Variants in RYR2 observed in about 807,000 individuals in gnomAD.
RYR2 encodes cardiac muscle ryanodine receptor-calcium release channel.
Under a neutral mutation model 601.1 loss-of-function variants are expected in RYR2, and 227 were observed. The observed-to-expected ratio is 0.38, with a 90% CI of 0.34 to 0.42. The LOEUF (loss-of-function observed/expected upper bound fraction) is 0.42, where lower values mean the gene tolerates loss of function less well. RYR2 is among the 10% of genes least tolerant of loss of function. The pLI is 1.00. For missense variants in RYR2, 4,646 were observed against 6,156.5 expected, an observed-to-expected ratio of 0.75 and a Z score of 8.21; for synonymous variants, 2,223 against 2,175.1, an observed-to-expected ratio of 1.02 and a Z score of -0.61.
At chr1:237,286,873 AAT>A (rs1691632793) in intron 2 of RYR2, among the ~76,000 whole-genome samples, 1 of 145,406 alleles carries the variant, frequency 6.9e-6, no homozygotes, top group African/African-American at 2.7e-5. Context: ...TCATTTTTTA[AAT>A]ATGTTTTTGC....
chr1:237,146,665 C>T (rs571908804), intron 1 of RYR2, among the ~76,000 whole-genome samples: 1 of 152,270 alleles, frequency 6.6e-6, no homozygotes, highest in South Asian at 2.1e-4. Flanking sequence ...TTGCTCCTAG[C>T]TCCACTGAGA....
intron 1 of RYR2, among the ~76,000 whole-genome samples, chr1:237,191,271 A>G (rs976547999): frequency 2.0e-5 from 3 of 152,148 alleles, no homozygotes; most frequent in African/African-American, 4.8e-5. Flanking sequence ...ATCGGCCTAT[A>G]TAAGTTTCTG....
intron 4 of RYR2, among the ~76,000 whole-genome samples, chr1:237,357,951 A>C (rs1699443349): frequency 6.6e-6 from 1 of 152,186 alleles, no homozygotes; most frequent in Non-Finnish European, 1.5e-5. Flanking sequence ...ATGTTGCAGC[A>C]AATTTTAGAT....
At chr1:237,769,611 T>C (rs1413110953) in intron 84 of RYR2, among the ~76,000 whole-genome samples, 3 of 152,206 alleles carry the variant, frequency 2.0e-5, no homozygotes, top group Non-Finnish European at 4.4e-5. Context: ...AGTCACAGAC[T>C]GCGGACTGGT....
chr1:237,620,854 G>A (rs1678997486), intron 38 of RYR2, among the ~76,000 whole-genome samples: 1 of 152,200 alleles, frequency 6.6e-6, no homozygotes, highest in South Asian at 2.1e-4. Flanking sequence ...TCTCTCAGTT[G>A]ATAGAACAGC....
chr1:237,744,468 C>T (rs527874927), intron 80 of RYR2, among the ~76,000 whole-genome samples: 2 of 151,802 alleles, frequency 1.3e-5, no homozygotes, highest in Non-Finnish European at 2.9e-5. Context: ...CCAGCCTGGC[C>T]AATGTGGTGA....
chr1:237,580,259 G>A (rs1188986594), intron 29 of RYR2, among the ~76,000 whole-genome samples: 2 of 149,842 alleles, frequency 1.3e-5, no homozygotes, highest in Non-Finnish European at 2.9e-5. Context: ...AGGTTCAAGG[G>A]ATTCTCCTGC....
intron 100 of RYR2, among the ~76,000 whole-genome samples, chr1:237,814,020 A>G (rs1661520567): frequency 6.6e-6 from 1 of 152,196 alleles, no homozygotes; most frequent in Non-Finnish European, 1.5e-5. Flanking sequence ...ACACACGCTC[A>G]TATCCCAGTA....
chr1:237,269,042 C>CTTTTTTTTT (rs200563683), intron 1 of RYR2, among the ~76,000 whole-genome samples: 4 of 113,198 alleles, frequency 3.5e-5, no homozygotes, highest in African/African-American at 1.1e-4. Context: ...ATAGCATATT[C>CTTTTTTTTT]TTTTTTTTTT....
At chr1:237,800,801 G>GTATT (rs1435223172) in intron 97 of RYR2, among the ~76,000 whole-genome samples, 2 of 152,148 alleles carry the variant, frequency 1.3e-5, no homozygotes, top group African/African-American at 4.8e-5. Flanking sequence ...ATTTACTTTA[G>GTATT]TATTTATCCA....
At chr1:237,162,402 T>C (rs1256457399) in intron 1 of RYR2, among the ~76,000 whole-genome samples, 1 of 152,006 alleles carries the variant, frequency 6.6e-6, no homozygotes, top group Non-Finnish European at 1.5e-5. Flanking sequence ...TAGTCTCTAA[T>C]CTCAAGGAGC....
Position 237,450,233 on chromosome 1 carries a change from C to T in RYR2, c.1293-4158C>T, listed in dbSNP as rs192472554. 1.3e-4 allele frequency among the ~76,000 whole-genome samples: 20 copies of T among 152,134 alleles called. No homozygotes were observed. In the East Asian group the frequency reaches 3.5e-3, roughly 27 times the overall value. On this transcript the variant is annotated intron_variant, in intron 14 of 104. Transcript: ENST00000366574. Reference sequence around the variant, plus strand: ...TGTTCTGCTGAATATTTGAGGGGGACCTTCTGTAGGTCTCCAGGGTTCCCT... The same window carrying T: ...TGTTCTGCTGAATATTTGAGGGGGATCTTCTGTAGGTCTCCAGGGTTCCCT...
At chr1:237,615,932 C>A (rs1678412642) in intron 37 of RYR2, among the ~76,000 whole-genome samples, 1 of 152,130 alleles carries the variant, frequency 6.6e-6, no homozygotes, top group African/African-American at 2.4e-5. Context: ...GAAAAAGGAA[C>A]AAGGCAGGGT....
chr1:237,384,002 C>T (rs1271985646), intron 8 of RYR2, among the ~76,000 whole-genome samples: 1 of 152,184 alleles, frequency 6.6e-6, no homozygotes, highest in Non-Finnish European at 1.5e-5. Context: ...GTAACTGAAA[C>T]TGTTGTTGCT....
intron 1 of RYR2, among the ~76,000 whole-genome samples, chr1:237,096,821 A>G (rs1295448959): frequency 6.6e-6 from 1 of 152,202 alleles, no homozygotes; most frequent in Non-Finnish European, 1.5e-5. Context: ...GTAGAGAGCA[A>G]CATCTCATGC....
rs531436447 is a variant in RYR2 at position 237,758,129 on chromosome 1, G to T, written c.11325+353G>T. 8.5e-5 allele frequency among the ~76,000 whole-genome samples: 13 copies of T among 152,186 alleles called. No individual in the cohort carries two copies. In the South Asian group the frequency reaches 2.5e-3, roughly 29 times the overall value. On this transcript the variant is annotated intron_variant, in intron 82 of 104. Coordinates refer to ENST00000366574, the MANE Select transcript of RYR2 (RefSeq NM_001035.3). ...CCAGCTCGTTCTGTTCCCAGAATAA[G>T]TGATTATATAGCTTTGAAAAAAGAA...
chr1:237,271,047 C>T (rs1385252273), intron 2 of RYR2, among the ~76,000 whole-genome samples: 4 of 152,062 alleles, frequency 2.6e-5, no homozygotes, highest in East Asian at 1.9e-4. Flanking sequence ...GTTTAAAATA[C>T]GTAAACCTGG....
chr1:237,609,388 T>G (rs1677557111), intron 35 of RYR2, among the ~76,000 whole-genome samples: 1 of 140,828 alleles, frequency 7.1e-6, no homozygotes, highest in Non-Finnish European at 1.5e-5. Context: ...TTTCTTTCTT[T>G]CTGACAGAGT....
At chr1:237,116,273 C>T (rs1453411885) in intron 1 of RYR2, among the ~76,000 whole-genome samples, 4 of 152,078 alleles carry the variant, frequency 2.6e-5, no homozygotes, top group Non-Finnish European at 4.4e-5. Context: ...CAAGGGGAGC[C>T]GAGACAGCTG....
Sources: allele counts gnomAD v4.1 joint callset (sites outside exome capture counted in the v4.1 genomes callset), GRCh38; gene constraint gnomAD v4.1.1; transcripts MANE v1.5; gene names NCBI Gene and HGNC (gene_info 2026-07-23, HGNC 2026-07-21).